ADD3: variants seen among roughly 807,000 people sequenced by gnomAD.
ADD3 encodes gamma-adducin.
A neutral mutation model predicts 80.2 loss-of-function variants in ADD3; 25 were observed. The observed-to-expected ratio is 0.31, with a 90% CI of 0.23 to 0.44. The LOEUF is 0.44. ADD3 is among the 20% of genes least tolerant of loss of function. ADD3 has a pLI of 1.00. For synonymous variants in ADD3, 284 were observed against 289.6 expected (o/e 0.98, Z 0.20); for missense variants, 829 against 847.5 (o/e 0.98, Z 0.27).
intron 1 of ADD3, among the ~76,000 whole-genome samples, chr10:110,091,002 G>A (rs1411629969): frequency 3.9e-5 from 6 of 152,110 alleles, no homozygotes; most frequent in East Asian, 1.9e-4. Context: ...GAACAAAAAC[G>A]GGGTTCAGGA....
chr10:110,000,124 T>G (rs1240368959), intron 1 of ADD3, among the ~76,000 whole-genome samples: 1 of 152,256 alleles, frequency 6.6e-6, no homozygotes. Context: ...TTCACCATGT[T>G]GGCCAGGCTG....
chr10:110,085,875 G>A (rs60975659), intron 1 of ADD3, among the ~76,000 whole-genome samples: 3,309 of 152,270 alleles, frequency 0.022, 126 homozygotes, highest in African/African-American at 0.071. Flanking sequence ...GGAGGCCGAG[G>A]CAGGCAGATC....
chr10:110,022,612 T>C (rs1853807452), intron 1 of ADD3, among the ~76,000 whole-genome samples: 1 of 152,182 alleles, frequency 6.6e-6, no homozygotes, highest in South Asian at 2.1e-4. Context: ...TTGATAAGTT[T>C]TCAGTATTTT....
Position 110,133,491 on chromosome 10 carries a change from C to T in ADD3, c.1994C>T (p.Pro665Leu), listed in dbSNP as rs948617109. The T allele has an allele frequency of 2.5e-6, 4 of 1,613,474 alleles. No homozygotes were observed. The African/African-American group carries it at 5.3e-5, about 22-fold the overall frequency. ...AACATCGAGATTACTATTAAGTCTC[C>T]AGAGAAAATCGAAGAAGTCCTGTCA... The part of the protein sequence containing the change: ...IENIEITIKS[P>L]EKIEEVLSPE... The change falls in exon 15 of 15, where the codon CCA (proline) becomes CTA (leucine). Residue 665 changes from proline to leucine, a missense_variant. Transcript: ENST00000356080.
chr10:110,124,044 C>T lies in ADD3; in HGVS notation c.1171C>T (p.His391Tyr). Residue 391 changes from histidine (H) to tyrosine (Y), a missense_variant, in exon 10 of 15, where the codon CAT becomes TAT. Transcript: ENST00000356080. Reference sequence around the variant, plus strand: ...GTATAGAACAGGCTATGCTTACAGGCATCCTCTCATTCGAGAGAAGCCTAG... The same window carrying T: ...GTATAGAACAGGCTATGCTTACAGGTATCCTCTCATTCGAGAGAAGCCTAG... ...LGYRTGYAYR[H>Y]PLIREKPRHK... The T allele has an allele frequency of 6.2e-7, 1 of 1,614,140 alleles. No individual in the cohort carries two copies. Among genetic ancestry groups the T allele is most frequent in the South Asian group, 1.1e-5 (1 of 91,080 alleles).
chr10:110,067,366 T>G (rs149160286), intron 1 of ADD3, among the ~76,000 whole-genome samples: 3 of 152,324 alleles, frequency 2.0e-5, no homozygotes, highest in East Asian at 1.9e-4. Flanking sequence ...TCATTTGCAG[T>G]TTTTATAAAC....
chr10:110,010,872 A>G (rs947852531), intron 1 of ADD3, among the ~76,000 whole-genome samples: 3 of 152,162 alleles, frequency 2.0e-5, no homozygotes, highest in Non-Finnish European at 2.9e-5. Context: ...TATTCCCACG[A>G]CTATCAGGTG....
chr10:110,119,465 G>C lies in ADD3; in HGVS notation c.862-1G>C, dbSNP rs1157755450. On this transcript the variant is annotated splice_acceptor_variant, in intron 7 of 14. Transcript: ENST00000356080. LOFTEE classifies it high-confidence loss of function. ...TGATTGCTGTGGGCATTCTATTTTA[G>C]GTGCTGGTACTCAGGAATCATGGTG... 1 of 1,613,862 alleles carries C rather than the reference G, an allele frequency of 6.2e-7. No homozygotes were observed. The highest frequency in any genetic ancestry group is 8.5e-7 in the Non-Finnish European group (1 of 1,179,952).
At chr10:110,060,259 T>G (rs927059056) in intron 1 of ADD3, among the ~76,000 whole-genome samples, 1 of 152,246 alleles carries the variant, frequency 6.6e-6, no homozygotes, top group Non-Finnish European at 1.5e-5. Flanking sequence ...CCTAATATAT[T>G]AACGTTTATT....
chr10:110,118,779 G>GT, intron 6 of ADD3, 43 bp downstream of exon 6: 1 of 1,587,682 alleles, frequency 6.3e-7, no homozygotes, highest in Middle Eastern at 1.7e-4. Context: ...GCTGGAAGAT[G>GT]TATTATTTTT....
chr10:110,116,784 A>ATT (rs1263374355), intron 4 of ADD3, among the ~76,000 whole-genome samples: 1 of 152,188 alleles, frequency 6.6e-6, no homozygotes, highest in African/African-American at 2.4e-5. Context: ...CCTGGTCTTT[A>ATT]TTTTTAAAAT....
intron 1 of ADD3, among the ~76,000 whole-genome samples, chr10:110,059,559 G>A (rs1014117523): frequency 6.6e-6 from 1 of 150,452 alleles, no homozygotes. Flanking sequence ...TCAGGAGTTC[G>A]AGAACAGCCT....
At chr10:110,118,511 C>A (rs1851064203) in intron 5 of ADD3, 76 bp from the exon 6 acceptor site, 5 of 1,309,744 alleles carry the variant, frequency 3.8e-6, no homozygotes, top group African/African-American at 2.9e-5. Context: ...AGGTTTGCTA[C>A]CCCCTGGTTT....
At chr10:110,070,341 G>A (rs1021219671) in intron 1 of ADD3, among the ~76,000 whole-genome samples, 6 of 152,092 alleles carry the variant, frequency 3.9e-5, no homozygotes, top group African/African-American at 1.4e-4. Context: ...TTCACTTGTA[G>A]CATGTAATAG....
rs534722632 is a variant in ADD3 at position 110,095,132 on chromosome 10, G to A, written c.-29-5493G>A. Among the ~76,000 whole-genome samples the A allele has an allele frequency of 2.6e-5, 4 of 152,202 alleles. No homozygotes were observed. The South Asian group carries it at 6.2e-4, about 24-fold the overall frequency. ...TTCAGCCCCCATTTATGGAGTTCTCGCCCATTGTGAGGACTACAAGAGAGT... is the reference window on the plus strand; with the variant it reads ...TTCAGCCCCCATTTATGGAGTTCTCACCCATTGTGAGGACTACAAGAGAGT... On this transcript the variant is annotated intron_variant, in intron 1 of 14. Transcript: ENST00000356080.
At chr10:110,031,192 TG>T (rs1322610993) in intron 1 of ADD3, among the ~76,000 whole-genome samples, 1 of 152,186 alleles carries the variant, frequency 6.6e-6, no homozygotes, top group Non-Finnish European at 1.5e-5. Flanking sequence ...GAGAATCCCT[TG>T]AACCCGGAGG....
chr10:110,057,645 T>G (rs1404136432), intron 1 of ADD3, among the ~76,000 whole-genome samples: 1 of 152,174 alleles, frequency 6.6e-6, no homozygotes, highest in Non-Finnish European at 1.5e-5. Context: ...CAGTAAAGTT[T>G]GAAAACCACT....
intron 1 of ADD3, among the ~76,000 whole-genome samples, chr10:110,014,792 G>A (rs1423981521): frequency 6.6e-6 from 1 of 152,004 alleles, no homozygotes; most frequent in African/African-American, 2.4e-5. Flanking sequence ...CTCCCAAAGT[G>A]CTGGGATTAC....
chr10:110,060,364 A>T (rs1858731847), intron 1 of ADD3, among the ~76,000 whole-genome samples: 1 of 152,230 alleles, frequency 6.6e-6, no homozygotes. Context: ...TGGATTAAAT[A>T]TGGAGTGTGT....
Sources: allele counts gnomAD v4.1 joint callset (sites outside exome capture counted in the v4.1 genomes callset), GRCh38; gene constraint gnomAD v4.1.1; transcripts MANE v1.5; gene names NCBI Gene and HGNC (gene_info 2026-07-23, HGNC 2026-07-21).